The following RAP2A variants were observed in gnomAD, a reference collection of about 807,000 sequenced individuals.
The protein encoded by RAP2A is ras-related protein Rap-2a.
Under a neutral mutation model 15.1 loss-of-function variants are expected in RAP2A, and 5 were observed. That is an observed-to-expected ratio of 0.33 (90% CI 0.17 to 0.70). RAP2A has a LOEUF of 0.70. Among genes scored for constraint, RAP2A ranks in the 30% least tolerant of loss-of-function variants. The pLI is 0.68. For missense variants in RAP2A, 111 were observed against 240.3 expected (o/e 0.46, Z 3.56); for synonymous variants, 110 against 99.7 (o/e 1.10, Z -0.62).
At chr13:97,441,112 G>C (rs2066655765) in intron 1 of RAP2A, among the ~76,000 whole-genome samples, 2 of 152,234 alleles carry the variant, frequency 1.3e-5, no homozygotes, top group African/African-American at 4.8e-5. Context: ...AGTTGGAGGA[G>C]ATGATGTCTC....
At chr13:97,456,399 G>T (rs945876987) in intron 1 of RAP2A, among the ~76,000 whole-genome samples, 2 of 151,982 alleles carry the variant, frequency 1.3e-5, no homozygotes, top group Non-Finnish European at 2.9e-5. Flanking sequence ...ATTGTTTTTT[G>T]TGTTTTGTCC....
intron 1 of RAP2A, among the ~76,000 whole-genome samples, chr13:97,463,352 T>C (rs2066756452): frequency 6.6e-6 from 1 of 152,230 alleles, no homozygotes; most frequent in Admixed American, 6.5e-5. Flanking sequence ...TTCTTTCTTA[T>C]CACTTACTAT....
At chr13:97,450,475 A>G (rs2066697518) in intron 1 of RAP2A, among the ~76,000 whole-genome samples, 1 of 152,108 alleles carries the variant, frequency 6.6e-6, no homozygotes, top group Admixed American at 6.5e-5. Flanking sequence ...TGTTCTCCAT[A>G]TATGTGCCCG....
chr13:97,452,716 A>G (rs535527091), intron 1 of RAP2A, among the ~76,000 whole-genome samples: 5 of 151,340 alleles, frequency 3.3e-5, no homozygotes, highest in East Asian at 3.9e-4. Flanking sequence ...CATAGAATCC[A>G]TAAGTCAATT....
chr13:97,445,930 A>C (rs541223827), intron 1 of RAP2A, among the ~76,000 whole-genome samples: 56 of 152,330 alleles, frequency 3.7e-4, no homozygotes, highest in African/African-American at 1.3e-3. Context: ...ATCTGGTTTT[A>C]TTGAAGGAAA....
At chr13:97,445,254 T>C (rs1273187390) in intron 1 of RAP2A, among the ~76,000 whole-genome samples, 1 of 152,208 alleles carries the variant, frequency 6.6e-6, no homozygotes, top group Non-Finnish European at 1.5e-5. Context: ...CTTCCCTCAA[T>C]GATCCACTTA....
At chr13:97,460,170 C>T (rs750063020) in intron 1 of RAP2A, among the ~76,000 whole-genome samples, 1 of 152,120 alleles carries the variant, frequency 6.6e-6, no homozygotes. Context: ...AGTGAAACCT[C>T]CTGCTTATGT....
At chr13:97,434,855 G>C in intron 1 of RAP2A, 71 bp downstream of exon 1, 2 of 1,575,852 alleles carry the variant, frequency 1.3e-6, no homozygotes, top group Non-Finnish European at 1.7e-6. Flanking sequence ...AACTCCCCGC[G>C]CGGGGCTCCG....
At chr13:97,457,585 G>C (rs1317820512) in intron 1 of RAP2A, among the ~76,000 whole-genome samples, 2 of 151,798 alleles carry the variant, frequency 1.3e-5, no homozygotes, top group African/African-American at 4.8e-5. Context: ...ATAAAATGGA[G>C]TACTACCTAG....
intron 1 of RAP2A, chr13:97,436,181 A>G (rs921384049): frequency 2.6e-5 from 4 of 152,156 alleles, no homozygotes; most frequent in East Asian, 1.9e-4. Flanking sequence ...TGCTGCTAAG[A>G]TTTGTAAATT....
At chr13:97,442,815 C>A (rs187337996) in intron 1 of RAP2A, among the ~76,000 whole-genome samples, 2 of 152,162 alleles carry the variant, frequency 1.3e-5, no homozygotes, top group East Asian at 1.9e-4. Context: ...TGTAAGATTA[C>A]GAAAATGAAG....
chr13:97,451,440 CT>C (rs1475318009), intron 1 of RAP2A, among the ~76,000 whole-genome samples: 1 of 152,132 alleles, frequency 6.6e-6, no homozygotes, highest in Non-Finnish European at 1.5e-5. Flanking sequence ...TAGTAATGAA[CT>C]TCTGGCTTCC....
intron 1 of RAP2A, among the ~76,000 whole-genome samples, chr13:97,439,227 T>G (rs1446194797): frequency 6.6e-6 from 1 of 152,230 alleles, no homozygotes; most frequent in Non-Finnish European, 1.5e-5. Flanking sequence ...GAGTTGATCA[T>G]GTAGTCAAGG....
intron 1 of RAP2A, among the ~76,000 whole-genome samples, chr13:97,442,070 C>G (rs1594322631): frequency 6.6e-6 from 1 of 152,024 alleles, no homozygotes; most frequent in Non-Finnish European, 1.5e-5. Context: ...TCTGCTTTAC[C>G]AGATCAAACT....
rs2066760563 is a variant in RAP2A, at chr13:97,464,316, T to C, written c.426T>C (p.Phe142=). 1 of 1,614,092 alleles carries C rather than the reference T, an allele frequency of 6.2e-7. No individual in the cohort carries two copies. The highest frequency in any genetic ancestry group is 1.3e-5 in the African/African-American group (1 of 74,932). The change falls in exon 2 of 2, where the codon TTT becomes TTC. Residue 142 remains phenylalanine, a synonymous_variant. Coordinates refer to ENST00000245304, the MANE Select transcript of RAP2A (RefSeq NM_021033.7). ...TTGCTGAAGAGTGGGGCTGCCCCTT[T>C]ATGGAAACTTCCGCTAAGAGTAAAA... ...RALAEEWGCP[F]METSAKSKTM...
intron 1 of RAP2A, among the ~76,000 whole-genome samples, chr13:97,448,202 G>T (rs950949544): frequency 3.3e-5 from 5 of 152,052 alleles, no homozygotes; most frequent in Non-Finnish European, 7.4e-5. Flanking sequence ...CAGACTAGAT[G>T]GTTAGTTTTG....
intron 1 of RAP2A, among the ~76,000 whole-genome samples, chr13:97,457,356 TG>T (rs1447479535): frequency 1.3e-5 from 2 of 151,668 alleles, no homozygotes; most frequent in East Asian, 1.9e-4. Flanking sequence ...AAAATGGGGG[TG>T]GGGGCCTTCA....
At chr13:97,439,423 A>G (rs191617958) in intron 1 of RAP2A, among the ~76,000 whole-genome samples, 123 of 152,310 alleles carry the variant, frequency 8.1e-4, no homozygotes, top group Admixed American at 1.7e-3. Flanking sequence ...GAAAGGATGC[A>G]AGGAATGTTG....
chr13:97,444,453 G>A (rs374230035), intron 1 of RAP2A, among the ~76,000 whole-genome samples: 1 of 152,178 alleles, frequency 6.6e-6, no homozygotes, highest in African/African-American at 2.4e-5. Context: ...TTTATGGCTA[G>A]TTATATATAG....
Sources: gnomAD v4.1 joint callset for allele counts (sites outside exome capture counted in the v4.1 genomes callset) on GRCh38, gnomAD v4.1.1 for gene constraint, MANE v1.5 for transcripts, NCBI Gene and HGNC (gene_info 2026-07-23, HGNC 2026-07-21) for gene names.